The following KDM6A variants were observed in gnomAD, a reference collection of about 807,000 sequenced individuals.
KDM6A encodes the protein lysine demethylase 6A, also known as lysine-specific demethylase 6A.
In KDM6A, 11 loss-of-function variants were observed where a neutral mutation model predicts 117.6. The observed-to-expected ratio is 0.09, with a 90% CI of 0.06 to 0.15. KDM6A has a LOEUF of 0.15. KDM6A is among the 10% of genes least tolerant of loss of function. KDM6A has a pLI of 1.00. For missense variants in KDM6A, 799 were observed against 1,077.3 expected, an observed-to-expected ratio of 0.74 and a Z score of 3.62; for synonymous variants, 384 against 396.1, an observed-to-expected ratio of 0.97 and a Z score of 0.36.
At chrX:45,061,280 A>C in intron 14 of KDM6A, 44 bp from the exon 15 acceptor site, 1 of 789,793 alleles carries the variant, frequency 1.3e-6, no homozygotes, top group Non-Finnish European at 1.9e-6. Flanking sequence ...CTGTGGATTT[A>C]ACCAAATATT....
intron 2 of KDM6A, among the ~76,000 whole-genome samples, chrX:44,889,118 C>T (rs924816685): frequency 1.3e-4 from 14 of 111,905 alleles, no homozygotes; most frequent in Non-Finnish European, 2.1e-4. Flanking sequence ...CGGATTCAAG[C>T]GATTCTCTCA....
intron 2 of KDM6A, among the ~76,000 whole-genome samples, chrX:44,877,962 T>C (rs764367510): frequency 9.0e-6 from 1 of 111,371 alleles, no homozygotes; most frequent in Non-Finnish European, 1.9e-5. Context: ...CTGGCGTGTT[T>C]GGTAGGGGAA....
chrX:45,111,508 G>T lies in KDM6A; in HGVS notation c.*97G>T. 1.3e-6 allele frequency: 1 copy of T among 774,509 alleles called. No individual in the cohort carries two copies. Among genetic ancestry groups the T allele is most frequent in the Non-Finnish European group, 2.0e-6 (1 of 501,036 alleles). The allele number at this position is 774,509 out of a possible 1,213,427, so 63.8% of individuals were successfully genotyped here. On this transcript the variant is annotated 3_prime_UTR_variant, in exon 30 of 30. Coordinates refer to ENST00000611820, the MANE Select transcript of KDM6A (RefSeq NM_001291415.2). ...TTTGTAGCTATCTCGTAAGGCTGCT[G>T]GCTGAAAACTGTGTCTATGCAACCT... is the stretch of plus-strand genomic sequence containing the variant.
At position 45,043,775 on chromosome X, in the gene KDM6A, A is replaced by G. The variant is rs1239302386; in HGVS notation, c.654+6086A>G. ...CCTGGATGACAGAGTGAGACTGTTT[A>G]AAGAAAAAAAAAATGATTCTCATAG... On this transcript the variant is annotated intron_variant, in intron 8 of 29. Coordinates refer to ENST00000611820, the MANE Select transcript of KDM6A (RefSeq NM_001291415.2). 2.7e-5 allele frequency among the ~76,000 whole-genome samples: 3 copies of G among 110,956 alleles called. No individual in the cohort carries two copies. The Admixed American group carries it at 2.9e-4, about 11-fold the overall frequency.
chrX:45,050,111 G>A (rs908825720), intron 8 of KDM6A, among the ~76,000 whole-genome samples: 2 of 112,934 alleles, frequency 1.8e-5, no homozygotes, highest in African/African-American at 3.2e-5. Flanking sequence ...AAGCCAAGGC[G>A]GGCGGATCAC....
chrX:44,905,772 A>G (rs1419015343), intron 2 of KDM6A, among the ~76,000 whole-genome samples: 1 of 112,447 alleles, frequency 8.9e-6, no homozygotes, highest in East Asian at 2.8e-4. Flanking sequence ...TGCTTTATTT[A>G]TAGTGTAACA....
At chrX:45,100,842 T>C (rs2046313148) in intron 27 of KDM6A, among the ~76,000 whole-genome samples, 1 of 109,477 alleles carries the variant, frequency 9.1e-6, no homozygotes, top group South Asian at 3.9e-4. Context: ...TTTTTCTTTC[T>C]TCTTTTTTTT....
intron 2 of KDM6A, among the ~76,000 whole-genome samples, chrX:44,910,340 C>T (rs1004282379): frequency 8.1e-5 from 9 of 111,480 alleles, no homozygotes; most frequent in Non-Finnish European, 1.7e-4. Flanking sequence ...CCGTATGACA[C>T]CATGCCCGGC....
intron 2 of KDM6A, among the ~76,000 whole-genome samples, chrX:44,876,974 C>A (rs775385994): frequency 2.7e-5 from 3 of 110,622 alleles, no homozygotes; most frequent in Non-Finnish European, 5.7e-5. Context: ...TATATGAATA[C>A]GTATATACAC....
At chrX:45,071,168 A>G (rs765297592) in intron 18 of KDM6A, among the ~76,000 whole-genome samples, 11 of 112,298 alleles carry the variant, frequency 9.8e-5, no homozygotes, top group Non-Finnish European at 1.9e-4. Context: ...AACTGGAACA[A>G]ACAAATAATT....
chrX:44,918,412 A>G (rs977370892), intron 2 of KDM6A, among the ~76,000 whole-genome samples: 1 of 111,214 alleles, frequency 9.0e-6, no homozygotes, highest in Non-Finnish European at 1.9e-5. Flanking sequence ...TGGGGAATGA[A>G]CAATTTGCTA....
At chrX:44,947,299 G>T (rs1197544788) in intron 2 of KDM6A, among the ~76,000 whole-genome samples, 1 of 110,616 alleles carries the variant, frequency 9.0e-6, no homozygotes, top group Admixed American at 9.7e-5. Context: ...ATTGTTATTA[G>T]TTGAAGACCA....
At chrX:45,097,515 G>T (rs975065203) in intron 27 of KDM6A, among the ~76,000 whole-genome samples, 2 of 111,143 alleles carry the variant, frequency 1.8e-5, no homozygotes, top group African/African-American at 6.5e-5. Context: ...AGTGAATACC[G>T]TAAGTAGCCC....
intron 27 of KDM6A, among the ~76,000 whole-genome samples, chrX:45,092,051 A>G (rs1006293478): frequency 9.0e-6 from 1 of 111,310 alleles, no homozygotes; most frequent in Non-Finnish European, 1.9e-5. Flanking sequence ...ATAGCGAGTA[A>G]TGTACTACAA....
intron 8 of KDM6A, among the ~76,000 whole-genome samples, chrX:45,044,087 G>C (rs943909786): frequency 8.9e-6 from 1 of 112,184 alleles, no homozygotes; most frequent in East Asian, 2.8e-4. Flanking sequence ...ATATAGCTTA[G>C]ATGTGTAGTA....
chrX:44,939,695 T>C, intron 2 of KDM6A, among the ~76,000 whole-genome samples: 1 of 111,411 alleles, frequency 9.0e-6, no homozygotes, highest in Non-Finnish European at 1.9e-5. Context: ...AAACCTTTCA[T>C]GAAAGGAAGA....
chrX:44,963,497 G>C (rs7886974), intron 3 of KDM6A, among the ~76,000 whole-genome samples: 3,268 of 28,096 alleles, frequency 0.12, 81 homozygotes, highest in Middle Eastern at 0.14. Context: ...CTGTCTGTCT[G>C]TCTCTGTCTG....
At chrX:44,972,797 T>C (rs1277994334) in intron 3 of KDM6A, among the ~76,000 whole-genome samples, 1 of 111,181 alleles carries the variant, frequency 9.0e-6, no homozygotes, top group Non-Finnish European at 1.9e-5. Flanking sequence ...CACTTTGGGA[T>C]GCCAAGGCAG....
intron 8 of KDM6A, among the ~76,000 whole-genome samples, chrX:45,042,079 C>T (rs9633114): frequency 9.1e-6 from 1 of 110,072 alleles, no homozygotes; most frequent in South Asian, 3.9e-4. Flanking sequence ...GCAAAACCCC[C>T]TCTCCACCAA....
Sources: allele counts gnomAD v4.1 joint callset (sites outside exome capture counted in the v4.1 genomes callset), GRCh38; gene constraint gnomAD v4.1.1; transcripts MANE v1.5; gene names NCBI Gene and HGNC (gene_info 2026-07-23, HGNC 2026-07-21).